The following IQCJ variants were observed in gnomAD, a reference collection of about 807,000 sequenced individuals.
IQCJ encodes IQ motif containing J, also known as IQ domain-containing protein J.
Under a neutral mutation model 11.0 loss-of-function variants are expected in IQCJ, and 9 were observed. That is an observed-to-expected ratio of 0.82 (90% confidence interval 0.49 to 1.43). The LOEUF is 1.43. IQCJ is among the 40% of genes most tolerant of loss of function. The pLI, the probability that IQCJ is intolerant of heterozygous loss-of-function variation, is 0.00. For missense variants in IQCJ, 146 were observed against 133.2 expected, an observed-to-expected ratio of 1.10 and a Z score of -0.47; for synonymous variants, 55 against 51.3, an observed-to-expected ratio of 1.07 and a Z score of -0.31.
At chr3:159,142,617 C>T (rs1230812282) in intron 1 of IQCJ, among the ~76,000 whole-genome samples, 1 of 152,166 alleles carries the variant, frequency 6.6e-6, no homozygotes, top group Non-Finnish European at 1.5e-5. Flanking sequence ...GGGGTTTCAC[C>T]ATGTTGGCCA....
At chr3:159,177,630 G>A (rs1238776037) in intron 1 of IQCJ, among the ~76,000 whole-genome samples, 3 of 152,104 alleles carry the variant, frequency 2.0e-5, no homozygotes, top group African/African-American at 7.2e-5. Flanking sequence ...GAAGCACAGG[G>A]GAATTTTTTG....
At chr3:159,136,401 T>A (rs1720291926) in intron 1 of IQCJ, among the ~76,000 whole-genome samples, 1 of 152,196 alleles carries the variant, frequency 6.6e-6, no homozygotes. Context: ...GGATGGCGAT[T>A]TGAGTGTGTT....
chr3:159,121,084 A>AC (rs1719348474), intron 1 of IQCJ, among the ~76,000 whole-genome samples: 1 of 151,530 alleles, frequency 6.6e-6, no homozygotes, highest in African/African-American at 2.4e-5. Context: ...CCCAAGACAA[A>AC]TATACCCAGC....
chr3:159,119,302 G>C (rs889851466), intron 1 of IQCJ, among the ~76,000 whole-genome samples: 9 of 152,166 alleles, frequency 5.9e-5, no homozygotes, highest in African/African-American at 2.2e-4. Flanking sequence ...ATTTTAGTTG[G>C]GTGCTGAGGA....
At chr3:159,095,349 A>ATTTAT (rs976274246) in intron 1 of IQCJ, among the ~76,000 whole-genome samples, 2 of 151,312 alleles carry the variant, frequency 1.3e-5, no homozygotes, top group Non-Finnish European at 1.5e-5. Context: ...CAAGAGGAAA[A>ATTTAT]TTTATTTTAT....
chr3:159,192,822 T>C (rs184492960), intron 1 of IQCJ, among the ~76,000 whole-genome samples: 1 of 152,176 alleles, frequency 6.6e-6, no homozygotes, highest in African/African-American at 2.4e-5. Context: ...TCTTGAAATA[T>C]TAAGTTACCT....
intron 1 of IQCJ, among the ~76,000 whole-genome samples, chr3:159,242,213 G>A (rs906132877): frequency 2.6e-5 from 4 of 152,140 alleles, no homozygotes; most frequent in African/African-American, 4.8e-5. Flanking sequence ...TGTTACATAC[G>A]GCTCTATAGG....
intron 1 of IQCJ, among the ~76,000 whole-genome samples, chr3:159,218,862 T>C (rs949597349): frequency 6.6e-6 from 1 of 152,020 alleles, no homozygotes; most frequent in Non-Finnish European, 1.5e-5. Context: ...AACATCAAGG[T>C]GTATGCAGGG....
chr3:159,105,618 T>C (rs776752549), intron 1 of IQCJ, among the ~76,000 whole-genome samples: 3 of 151,942 alleles, frequency 2.0e-5, no homozygotes, highest in African/African-American at 4.8e-5. Flanking sequence ...TCAGGACATT[T>C]GAATAAAGAT....
chr3:159,119,747 C>G (rs941872018), intron 1 of IQCJ, among the ~76,000 whole-genome samples: 1 of 152,152 alleles, frequency 6.6e-6, no homozygotes, highest in Non-Finnish European at 1.5e-5. Flanking sequence ...ATCAAAATCT[C>G]ATGCAGAACT....
At chr3:159,127,146 T>C (rs1400359641) in intron 1 of IQCJ, among the ~76,000 whole-genome samples, 2 of 152,354 alleles carry the variant, frequency 1.3e-5, no homozygotes, top group East Asian at 1.9e-4. Context: ...ATTTTGAAGG[T>C]TGATTGTTGG....
chr3:159,145,236 A>G (rs566130593), intron 1 of IQCJ, among the ~76,000 whole-genome samples: 20 of 152,320 alleles, frequency 1.3e-4, no homozygotes, highest in African/African-American at 3.4e-4. Flanking sequence ...TAGACAGAAA[A>G]TGAGGGAGAG....
At chr3:159,078,995 G>A (rs527716666) in intron 1 of IQCJ, among the ~76,000 whole-genome samples, 1 of 152,062 alleles carries the variant, frequency 6.6e-6, no homozygotes, top group African/African-American at 2.4e-5. Flanking sequence ...CTAAATCAGG[G>A]TCCAGGTCAT....
chr3:159,207,101 CA>C (rs1350101807), intron 1 of IQCJ, among the ~76,000 whole-genome samples: 3 of 152,128 alleles, frequency 2.0e-5, no homozygotes, highest in South Asian at 2.1e-4. Context: ...AGCCAATATC[CA>C]AATAGACTTC....
chr3:159,090,836 A>C (rs1717223571), intron 1 of IQCJ, among the ~76,000 whole-genome samples: 1 of 151,882 alleles, frequency 6.6e-6, no homozygotes, highest in South Asian at 2.1e-4. Flanking sequence ...ATTGGAAGGA[A>C]TCGACAAAAT....
chr3:159,188,008 G>T (rs966305989), intron 1 of IQCJ, among the ~76,000 whole-genome samples: 3 of 152,202 alleles, frequency 2.0e-5, no homozygotes, highest in Admixed American at 2.0e-4. Context: ...CTACCGACCA[G>T]AGAGGTGATT....
chr3:159,095,059 T>C (rs904229775), intron 1 of IQCJ, among the ~76,000 whole-genome samples: 4 of 151,884 alleles, frequency 2.6e-5, no homozygotes, highest in East Asian at 1.9e-4. Flanking sequence ...GCAAGGACAC[T>C]GGTTGCCACA....
downstream of IQCJ, chr3:159,266,066 T>A (rs1478139065): frequency 1.3e-5 from 2 of 152,246 alleles, no homozygotes; most frequent in African/African-American, 4.8e-5. Flanking sequence ...GAGCACTTGT[T>A]ATGTGCCAGG....
intron 1 of IQCJ, among the ~76,000 whole-genome samples, chr3:159,196,547 T>C (rs1260886153): frequency 6.6e-6 from 1 of 152,202 alleles, no homozygotes; most frequent in Non-Finnish European, 1.5e-5. Context: ...GCAGCCACAT[T>C]TGAGAACTGA....
Sources: allele counts gnomAD v4.1 joint callset (sites outside exome capture counted in the v4.1 genomes callset), GRCh38; gene constraint gnomAD v4.1.1; transcripts MANE v1.5; gene names NCBI Gene and HGNC (gene_info 2026-07-23, HGNC 2026-07-21).